AHCTF1: variants seen among roughly 807,000 people sequenced by gnomAD.
AHCTF1 encodes the protein protein ELYS.
Under a neutral mutation model 248.4 loss-of-function variants are expected in AHCTF1, and 24 were observed. That is an observed-to-expected ratio of 0.10 (90% CI 0.07 to 0.14). AHCTF1 has a LOEUF of 0.14. AHCTF1 is among the 10% of genes least tolerant of loss of function. AHCTF1 has a pLI of 1.00. For synonymous variants in AHCTF1, 786 were observed against 929.8 expected, an observed-to-expected ratio of 0.85 and a Z score of 2.81; for missense variants, 2,206 against 2,636.2, an observed-to-expected ratio of 0.84 and a Z score of 3.57.
At chr1:246,885,376 C>G (rs1663742679) in intron 21 of AHCTF1, 117 bp downstream of exon 21, 1 of 824,598 alleles carries the variant, frequency 1.2e-6, no homozygotes. Flanking sequence ...CCCACTAATA[C>G]AAAGGACTGA....
intron 18 of AHCTF1, 28 bp from the exon 19 acceptor site, chr1:246,888,261 G>A: frequency 3.1e-6 from 5 of 1,613,600 alleles, no homozygotes; most frequent in Non-Finnish European, 4.2e-6. Flanking sequence ...AAAACCTTCA[G>A]TGGATCTTAT....
chr1:246,919,498 G>C (rs1666372091), intron 1 of AHCTF1, among the ~76,000 whole-genome samples: 1 of 150,942 alleles, frequency 6.6e-6, no homozygotes, highest in African/African-American at 2.4e-5. Flanking sequence ...CGGATCACAA[G>C]GTTAGGAGAT....
At chr1:246,897,185 C>G (rs376196185) in intron 12 of AHCTF1, among the ~76,000 whole-genome samples, 1 of 152,154 alleles carries the variant, frequency 6.6e-6, no homozygotes, top group South Asian at 2.1e-4. Context: ...TGGTGGCACA[C>G]GCCTCTAGTT....
At chr1:246,870,836 C>CTTGA (rs1335521439) in intron 24 of AHCTF1, among the ~76,000 whole-genome samples, 2 of 151,680 alleles carry the variant, frequency 1.3e-5, no homozygotes, top group African/African-American at 4.8e-5. Context: ...ACCAAAAATT[C>CTTGA]TTGAAAATGG....
rs182169249 is a variant in AHCTF1 at position 246,919,009 on chromosome 1, T to C, written c.-7-632A>G. Among the ~76,000 whole-genome samples, 83 of 152,310 alleles carry C rather than the reference T, an allele frequency of 5.4e-4. 1 individual carries two copies. Among genetic ancestry groups the C allele is most frequent in the African/African-American group, 1.8e-3 (75 of 41,578 alleles). On this transcript the variant is annotated intron_variant, in intron 1 of 35. Transcript: ENST00000648844. The stretch of plus-strand genomic sequence containing the variant: ...AGTTTGGTACATATCTTTTGCAGGA[T>C]AGAAATAATATAGGCATAAAGTTGT...
chr1:246,893,966 G>A (rs555506890), intron 14 of AHCTF1, among the ~76,000 whole-genome samples: 1 of 152,326 alleles, frequency 6.6e-6, no homozygotes, highest in Non-Finnish European at 1.5e-5. Context: ...CACTTTGGAA[G>A]GCCCAGGCAG....
intron 27 of AHCTF1, among the ~76,000 whole-genome samples, chr1:246,863,039 C>T (rs1181434372): frequency 6.6e-6 from 1 of 152,160 alleles, no homozygotes; most frequent in Non-Finnish European, 1.5e-5. Flanking sequence ...ACTATTCTGG[C>T]AGCAGGTATA....
At chr1:246,847,493 T>G (rs540250770) in intron 33 of AHCTF1, among the ~76,000 whole-genome samples, 2 of 152,244 alleles carry the variant, frequency 1.3e-5, no homozygotes, top group South Asian at 4.1e-4. Flanking sequence ...TTTCAGTAAG[T>G]AGGCATGTAT....
At position 246,852,945 on chromosome 1, in the gene AHCTF1, C is replaced by CTTATT. The variant is rs915152305; in HGVS notation, c.4563+141_4563+145dup. On this transcript the variant is annotated intron_variant, in intron 32 of 35. Coordinates refer to ENST00000648844, the MANE Select transcript of AHCTF1 (RefSeq NM_001323342.2). ...TTATATTCCACAAAAGATTTATACA[C>CTTATT]TTATTTTTTGAACCCATATTTTTAT... 1.6e-5 allele frequency: 10 copies of CTTATT among 625,118 alleles called. No individual in the cohort carries two copies. In the African/African-American group the frequency reaches 1.9e-4, roughly 12 times the overall value. The allele number at this position is 625,118 out of a possible 1,614,324, so 38.7% of individuals were successfully genotyped here.
intron 1 of AHCTF1, among the ~76,000 whole-genome samples, chr1:246,924,767 C>T (rs987160427): frequency 1.3e-5 from 2 of 152,148 alleles, no homozygotes; most frequent in Admixed American, 6.5e-5. Flanking sequence ...ACCATTAAGT[C>T]ACAAAACCTA....
intron 24 of AHCTF1, among the ~76,000 whole-genome samples, chr1:246,875,375 T>C (rs1662863703): frequency 6.6e-6 from 1 of 152,302 alleles, no homozygotes; most frequent in African/African-American, 2.4e-5. Flanking sequence ...AGCCAAATAA[T>C]AAAAAGTCCG....
At chr1:246,849,509 G>A (rs1660535146) in intron 33 of AHCTF1, 106 bp downstream of exon 33, 7 of 1,433,510 alleles carry the variant, frequency 4.9e-6, no homozygotes, top group Non-Finnish European at 6.6e-6. Context: ...GGTTTGAGGG[G>A]GGAAGGGGAA....
intron 6 of AHCTF1, 55 bp downstream of exon 6, chr1:246,905,486 G>T: frequency 7.1e-7 from 1 of 1,406,344 alleles, no homozygotes; most frequent in South Asian, 1.2e-5. Flanking sequence ...AACAGAGCGA[G>T]ACTCTGTCTC....
intron 31 of AHCTF1, among the ~76,000 whole-genome samples, chr1:246,854,841 C>G (rs554410222): frequency 2.5e-4 from 38 of 152,314 alleles, no homozygotes; most frequent in Admixed American, 1.3e-4. Context: ...GCCCCCTGCA[C>G]TCTTCAGGCA....
rs753977798 is a variant in AHCTF1 at position 246,872,051 on chromosome 1, CAAA to C, written c.3088+3983_3088+3985del. On this transcript the variant is annotated intron_variant, in intron 24 of 35. Coordinates refer to ENST00000648844, the MANE Select transcript of AHCTF1 (RefSeq NM_001323342.2). ...ATTCAGAAAGATGAACTATTAATGA[CAAA>C]AAAAAAAAAAAAAAAAGAACCTAGA... Among the ~76,000 whole-genome samples the C allele has an allele frequency of 3.8e-4, 32 of 83,722 alleles. No homozygotes were observed. The East Asian group carries it at 9.5e-3, about 25-fold the overall frequency. 54.9% of individuals were successfully genotyped at this position (83,722 alleles called of 152,430 possible).
intron 19 of AHCTF1, among the ~76,000 whole-genome samples, 162 bp downstream of exon 19, chr1:246,888,015 C>G (rs1004747494): frequency 6.6e-6 from 1 of 152,272 alleles, no homozygotes; most frequent in African/African-American, 2.4e-5. Flanking sequence ...AGGTTGATCA[C>G]AGGCCATCTG....
chr1:246,922,194 T>C (rs1176111526), intron 1 of AHCTF1, among the ~76,000 whole-genome samples: 1 of 152,122 alleles, frequency 6.6e-6, no homozygotes, highest in Non-Finnish European at 1.5e-5. Context: ...ACCCCATCTC[T>C]ACTAAAAATA....
At chr1:246,920,561 G>A (rs963403746) in intron 1 of AHCTF1, among the ~76,000 whole-genome samples, 5 of 151,102 alleles carry the variant, frequency 3.3e-5, no homozygotes, top group African/African-American at 1.2e-4. Context: ...ATGAGGTCAG[G>A]AGATCGAGAC....
intron 14 of AHCTF1, 42 bp from the exon 15 acceptor site, chr1:246,891,961 T>G: frequency 6.5e-7 from 1 of 1,547,828 alleles, no homozygotes; most frequent in Admixed American, 2.4e-5. Flanking sequence ...ATACAGTAAA[T>G]CTAAATAAAT....
Sources: allele counts gnomAD v4.1 joint callset (sites outside exome capture counted in the v4.1 genomes callset), GRCh38; gene constraint gnomAD v4.1.1; transcripts MANE v1.5; gene names NCBI Gene and HGNC (gene_info 2026-07-23, HGNC 2026-07-21).